Variants in DKK2 observed in about 807,000 individuals in gnomAD.
DKK2 encodes dickkopf-related protein 2.
DKK2 carries 11 observed loss-of-function variants against 28.1 expected under a neutral mutation model. The ratio of observed to expected loss-of-function variants is 0.39; its 90% confidence interval spans 0.25 to 0.65. DKK2 has a LOEUF of 0.65. Ranked by LOEUF, DKK2 falls within the 30% of genes least tolerant of loss-of-function variation. The pLI, the probability that DKK2 is intolerant of heterozygous loss-of-function variation, is 0.47. For synonymous variants in DKK2, 135 were observed against 126.5 expected (o/e 1.07, Z -0.45); for missense variants, 326 against 335.5 (o/e 0.97, Z 0.22).
intron 1 of DKK2, among the ~76,000 whole-genome samples, chr4:106,965,003 A>AGATT (rs757536517): frequency 2.7e-4 from 39 of 146,840 alleles, no homozygotes; most frequent in East Asian, 4.1e-4. Flanking sequence ...ATAGATAGAT[A>AGATT]GATTGATTGA....
At chr4:106,943,652 T>C (rs1440611581) in intron 1 of DKK2, among the ~76,000 whole-genome samples, 2 of 152,132 alleles carry the variant, frequency 1.3e-5, no homozygotes, top group Admixed American at 6.6e-5. Context: ...AAGTATTTTA[T>C]GTTGAACCAT....
intron 1 of DKK2, among the ~76,000 whole-genome samples, chr4:106,944,438 C>T (rs1326405232): frequency 6.6e-6 from 1 of 152,086 alleles, no homozygotes; most frequent in Non-Finnish European, 1.5e-5. Flanking sequence ...TACAACTCCT[C>T]TCATTATGCC....
At chr4:106,943,395 A>T (rs1288679435) in intron 1 of DKK2, among the ~76,000 whole-genome samples, 1 of 152,176 alleles carries the variant, frequency 6.6e-6, no homozygotes, top group Non-Finnish European at 1.5e-5. Context: ...TTGTTGCAAC[A>T]GTGGTTGGAA....
chr4:106,933,362 A>C (rs1456596875), intron 1 of DKK2, among the ~76,000 whole-genome samples: 1 of 152,206 alleles, frequency 6.6e-6, no homozygotes, highest in Non-Finnish European at 1.5e-5. Context: ...CTCACTGACA[A>C]TAACAACAAT....
intron 1 of DKK2, among the ~76,000 whole-genome samples, chr4:106,943,086 G>A (rs957201281): frequency 1.3e-5 from 2 of 152,042 alleles, no homozygotes; most frequent in Admixed American, 1.3e-4. Context: ...ACTTCATCAT[G>A]AGAACAACTC....
intron 1 of DKK2, among the ~76,000 whole-genome samples, chr4:106,985,931 GAAGA>G (rs1490014485): frequency 6.6e-6 from 1 of 151,976 alleles, no homozygotes; most frequent in African/African-American, 2.4e-5. Flanking sequence ...GGGAAGGCAA[GAAGA>G]AAGAAGAAAG....
chr4:106,942,119 A>G (rs1398400412), intron 1 of DKK2, among the ~76,000 whole-genome samples: 1 of 152,088 alleles, frequency 6.6e-6, no homozygotes, highest in Non-Finnish European at 1.5e-5. Flanking sequence ...AGGAAATTAT[A>G]AGCCAGATGA....
chr4:107,024,156 T>C (rs1723736223), intron 1 of DKK2, among the ~76,000 whole-genome samples: 1 of 152,172 alleles, frequency 6.6e-6, no homozygotes, highest in Non-Finnish European at 1.5e-5. Flanking sequence ...GTCCAAAATA[T>C]GACCCTAAAG....
At chr4:106,990,983 G>C (rs1042857673) in intron 1 of DKK2, among the ~76,000 whole-genome samples, 2 of 152,148 alleles carry the variant, frequency 1.3e-5, no homozygotes, top group African/African-American at 4.8e-5. Context: ...ATGTTAAGTA[G>C]AGCAGGCATC....
intron 1 of DKK2, among the ~76,000 whole-genome samples, chr4:106,947,953 T>G (rs181587247): frequency 9.9e-5 from 15 of 152,174 alleles, no homozygotes; most frequent in Admixed American, 8.5e-4. Context: ...ACTCAGCAAA[T>G]TAACCATTTT....
Position 107,035,618 on chromosome 4 carries a change from A to G in DKK2, c.-27T>C. On this transcript the variant is annotated 5_prime_UTR_variant, in exon 1 of 4. Coordinates refer to ENST00000285311, the MANE Select transcript of DKK2 (RefSeq NM_014421.3). ...TCCCGGCGAGGGGGTCCCCAGGAAG[A>G]CGCAAAGCCCGGAGGGGTGGGAATG... The G allele has an allele frequency of 6.2e-7, 1 of 1,611,624 alleles. No individual in the cohort carries two copies. The highest frequency in any genetic ancestry group is 8.5e-7 in the Non-Finnish European group (1 of 1,179,432).
At chr4:106,971,727 C>T (rs1471019779) in intron 1 of DKK2, among the ~76,000 whole-genome samples, 1 of 152,054 alleles carries the variant, frequency 6.6e-6, no homozygotes, top group Non-Finnish European at 1.5e-5. Context: ...AATGAGACCC[C>T]TCCTTTGTTC....
chr4:106,985,868 A>C (rs1723112869), intron 1 of DKK2, among the ~76,000 whole-genome samples: 1 of 151,942 alleles, frequency 6.6e-6, no homozygotes, highest in Non-Finnish European at 1.5e-5. Flanking sequence ...AAAATAAGAC[A>C]GGAAGGAGGG....
At chr4:106,936,365 A>G (rs975655867) in intron 1 of DKK2, among the ~76,000 whole-genome samples, 1 of 152,258 alleles carries the variant, frequency 6.6e-6, no homozygotes, top group Non-Finnish European at 1.5e-5. Flanking sequence ...AAAAGGTATC[A>G]GCGATGGAAG....
intron 1 of DKK2, among the ~76,000 whole-genome samples, chr4:107,020,723 T>C (rs1457243714): frequency 6.6e-6 from 1 of 152,102 alleles, no homozygotes; most frequent in Non-Finnish European, 1.5e-5. Flanking sequence ...ATGTGGAATC[T>C]AAAACAATTG....
At chr4:106,997,296 G>T (rs1042531690) in intron 1 of DKK2, among the ~76,000 whole-genome samples, 2 of 152,010 alleles carry the variant, frequency 1.3e-5, no homozygotes, top group South Asian at 4.2e-4. Flanking sequence ...AAATATTTAT[G>T]AAATGAGTAT....
At chr4:107,028,358 T>C (rs1331747759) in intron 1 of DKK2, among the ~76,000 whole-genome samples, 1 of 150,164 alleles carries the variant, frequency 6.7e-6, no homozygotes, top group Non-Finnish European at 1.5e-5. Flanking sequence ...GCCACTTATT[T>C]GGTGCATGAG....
intron 1 of DKK2, among the ~76,000 whole-genome samples, chr4:106,975,324 C>G (rs1465337557): frequency 1.3e-5 from 2 of 152,038 alleles, no homozygotes; most frequent in African/African-American, 2.4e-5. Context: ...ATTGTACCAG[C>G]TCCTCTTTGT....
chr4:106,989,697 C>T (rs896336011), intron 1 of DKK2, among the ~76,000 whole-genome samples: 1 of 152,142 alleles, frequency 6.6e-6, no homozygotes, highest in Non-Finnish European at 1.5e-5. Flanking sequence ...TGTAATTTAG[C>T]TCACAAGGAA....
Sources: gnomAD v4.1 joint callset for allele counts (sites outside exome capture counted in the v4.1 genomes callset) on GRCh38, gnomAD v4.1.1 for gene constraint, MANE v1.5 for transcripts, NCBI Gene and HGNC (gene_info 2026-07-23, HGNC 2026-07-21) for gene names.